Variants in KAZN observed in about 807,000 individuals in gnomAD.
KAZN encodes kazrin.
In KAZN, 40 loss-of-function variants were observed where a neutral mutation model predicts 87.4. The ratio of observed to expected loss-of-function variants is 0.46; its 90% CI spans 0.36 to 0.60. The LOEUF (loss-of-function observed/expected upper bound fraction) is 0.60, where lower values mean the gene tolerates loss of function less well. Among genes scored for constraint, KAZN ranks in the 20% least tolerant of loss-of-function variants. The pLI, the probability that KAZN is intolerant of heterozygous loss-of-function variation, is 0.00. For synonymous variants in KAZN, 466 were observed against 458.3 expected (o/e 1.02, Z -0.22); for missense variants, 898 against 1,073.9 (o/e 0.84, Z 2.29).
At chr1:14,098,198 T>C (rs1644171496) in intron 1 of KAZN, among the ~76,000 whole-genome samples, 1 of 152,148 alleles carries the variant, frequency 6.6e-6, no homozygotes, top group Non-Finnish European at 1.5e-5. Context: ...ACCTTCTGAC[T>C]CAAGTGTCTT....
At chr1:14,916,402 T>A (rs1235714928) in intron 1 of KAZN, among the ~76,000 whole-genome samples, 2 of 152,158 alleles carry the variant, frequency 1.3e-5, no homozygotes, top group Admixed American at 1.3e-4. Flanking sequence ...CCTCGGGTGA[T>A]CCTGACCTCA....
chr1:14,284,317 C>T lies in KAZN; in HGVS notation c.249+103725C>T, dbSNP rs72867307. 3.6e-3 allele frequency among the ~76,000 whole-genome samples: 548 copies of T among 152,062 alleles called. 5 individuals are homozygous for T. Among genetic ancestry groups the T allele is most frequent in the African/African-American group, 0.013 (519 of 41,482 alleles). On this transcript the variant is annotated intron_variant, in intron 2 of 16. Transcript: ENST00000636203. ...ATAAAGTTGTTATTACAGAGGAAAA[C>T]GAAATGGAAGTGATGCATGAGCTGG...
intron 2 of KAZN, among the ~76,000 whole-genome samples, chr1:14,524,239 C>T (rs942256178): frequency 6.6e-6 from 1 of 152,122 alleles, no homozygotes; most frequent in African/African-American, 2.4e-5. Context: ...CCAGGCTGGT[C>T]TCAAACTCCT....
At chr1:15,101,270 C>G (rs1641057454) in intron 10 of KAZN, among the ~76,000 whole-genome samples, 1 of 151,556 alleles carries the variant, frequency 6.6e-6, no homozygotes, top group Non-Finnish European at 1.5e-5. Flanking sequence ...CTCTTTCTCT[C>G]TTTGTTCTCT....
intron 2 of KAZN, among the ~76,000 whole-genome samples, chr1:14,575,843 C>A (rs1212008374): frequency 1.3e-5 from 2 of 152,182 alleles, no homozygotes; most frequent in Admixed American, 1.3e-4. Flanking sequence ...AGCCTGAAAG[C>A]TTCTGGGATG....
intron 2 of KAZN, among the ~76,000 whole-genome samples, chr1:14,509,690 CAG>C (rs768887190): frequency 1.1e-4 from 16 of 152,164 alleles, no homozygotes; most frequent in Non-Finnish European, 2.4e-4. Flanking sequence ...GTAAACAAGA[CAG>C]ACAATGCTGT....
chr1:14,856,076 A>G lies in KAZN; in HGVS notation c.227-104608A>G, dbSNP rs1650064957. Among the ~76,000 whole-genome samples the G allele has an allele frequency of 6.6e-6, 1 of 152,098 alleles. No homozygotes were observed. Among genetic ancestry groups the G allele is most frequent in the Non-Finnish European group, 1.5e-5 (1 of 68,026 alleles). On this transcript the variant is annotated intron_variant, in intron 1 of 14. Coordinates refer to ENST00000376030, the MANE Select transcript of KAZN (RefSeq NM_201628.3). This position sits in a 1 kb window ranked among gnomAD's most constrained non-coding sequence, Gnocchi z 5.2. ...GATATGGCAGGTGAGTAATAACGTGATTTACATCCTTGGGGGTTTGGGTTT... is the reference window on the plus strand; with the variant it reads ...GATATGGCAGGTGAGTAATAACGTGGTTTACATCCTTGGGGGTTTGGGTTT...
chr1:14,758,451 G>T (rs1300876500), intron 1 of KAZN, among the ~76,000 whole-genome samples: 1 of 151,592 alleles, frequency 6.6e-6, no homozygotes, highest in Non-Finnish European at 1.5e-5. Context: ...GGGATTACAG[G>T]CATGTGGCAT....
rs1159384665 is a variant in KAZN at position 15,066,932 on chromosome 1, C to T, written c.1222+1179C>T. ...ATTTATTTATCTGACATACAGAACA[C>T]GACTTTAGTGAGCAGAGTGCTGACA... is the stretch of plus-strand genomic sequence containing the variant. On this transcript the variant is annotated intron_variant, in intron 8 of 14. Transcript: ENST00000376030. The surrounding 1 kb of genome is among the most constrained non-coding windows in gnomAD (Gnocchi z 4.3). 3.0e-6 allele frequency: 3 copies of T among 985,364 alleles called. No homozygotes were observed. Among genetic ancestry groups the T allele is most frequent in the Admixed American group, 6.1e-5 (1 of 16,266 alleles). The allele number at this position is 985,364 out of a possible 1,614,324, so 61.0% of individuals were successfully genotyped here.
intron 1 of KAZN, among the ~76,000 whole-genome samples, chr1:14,932,191 C>T (rs74059670): frequency 0.044 from 6,666 of 152,216 alleles, 487 homozygotes; most frequent in African/African-American, 0.15. Flanking sequence ...CTGTGATTCA[C>T]CTCTGGGCCG....
At chr1:14,259,694 T>C (rs1336559786) in intron 2 of KAZN, among the ~76,000 whole-genome samples, 1 of 152,212 alleles carries the variant, frequency 6.6e-6, no homozygotes, top group Non-Finnish European at 1.5e-5. Context: ...TGCATCCTCC[T>C]GTCTGGTTAG....
intron 1 of KAZN, among the ~76,000 whole-genome samples, chr1:14,727,999 A>C (rs1643485207): frequency 6.6e-6 from 1 of 151,768 alleles, no homozygotes; most frequent in African/African-American, 2.4e-5. Context: ...TGAGAATCTA[A>C]TGCTGGCCGG....
chr1:14,884,348 C>A (rs952204811), intron 1 of KAZN, among the ~76,000 whole-genome samples: 6 of 152,104 alleles, frequency 3.9e-5, no homozygotes, highest in Non-Finnish European at 8.8e-5. Context: ...ACCCAGATCA[C>A]ACCACTGCAC....
chr1:14,919,478 G>A (rs907614890), intron 1 of KAZN, among the ~76,000 whole-genome samples: 7 of 152,142 alleles, frequency 4.6e-5, no homozygotes, highest in African/African-American at 1.7e-4. Flanking sequence ...CGCCCCTCCC[G>A]AGGCACTTTT....
intron 1 of KAZN, among the ~76,000 whole-genome samples, chr1:14,037,342 T>G (rs1484016142): frequency 6.6e-6 from 1 of 152,226 alleles, no homozygotes; most frequent in African/African-American, 2.4e-5. Context: ...AGTGTTTGCC[T>G]CTTACCTCTC....
intron 1 of KAZN, among the ~76,000 whole-genome samples, chr1:14,894,338 T>A (rs1655034832): frequency 6.6e-6 from 1 of 152,200 alleles, no homozygotes; most frequent in African/African-American, 2.4e-5. Context: ...AACTCCCGCT[T>A]TATAACTCAC....
intron 1 of KAZN, among the ~76,000 whole-genome samples, chr1:14,824,353 C>T (rs1159162660): frequency 6.6e-6 from 1 of 152,146 alleles, no homozygotes; most frequent in African/African-American, 2.4e-5. Context: ...CATGAACTTG[C>T]TCTGCAGACA....
intron 1 of KAZN, among the ~76,000 whole-genome samples, chr1:14,863,088 C>T (rs751953720): frequency 3.3e-5 from 5 of 152,098 alleles, no homozygotes; most frequent in Non-Finnish European, 7.3e-5. Flanking sequence ...TCTTTGTATC[C>T]CTTTCTCTTT....
At chr1:14,544,350 C>CTTTTTTTTTTTTTTTTTT (rs374148415) in intron 2 of KAZN, among the ~76,000 whole-genome samples, 169 of 98,098 alleles carry the variant, frequency 1.7e-3, no homozygotes, top group African/African-American at 2.4e-3. Flanking sequence ...TTCTTTCTTT[C>CTTTTTTTTTTTTTTTTTT]TTTTTTTTTT....
Sources: gnomAD v4.1 joint callset for allele counts (sites outside exome capture counted in the v4.1 genomes callset) on GRCh38, gnomAD v4.1.1 for gene constraint, Gnocchi (gnomAD v3.1) non-coding constraint, MANE v1.5 for transcripts, NCBI Gene and HGNC (gene_info 2026-07-23, HGNC 2026-07-21) for gene names.